The following PRR5 variants were observed in gnomAD, a reference collection of about 807,000 sequenced individuals.
The protein encoded by PRR5 is proline rich 5, also known as proline-rich protein 5.
A neutral mutation model predicts 30.6 loss-of-function variants in PRR5; 25 were observed. The observed-to-expected ratio is 0.82, with a 90% CI of 0.60 to 1.14. PRR5 has a LOEUF of 1.14. Among genes scored for constraint, PRR5 ranks in the 50% most tolerant of loss-of-function variants. The probability of loss-of-function intolerance (pLI) is 0.00; values close to 1 mark genes in which losing one functional copy is unlikely to be tolerated. For missense variants in PRR5, 600 were observed against 547.1 expected, an observed-to-expected ratio of 1.10 and a Z score of -0.96; for synonymous variants, 286 against 247.1, an observed-to-expected ratio of 1.16 and a Z score of -1.48.
chr22:44,692,802 G>A (rs1925400536), intron 1 of PRR5, among the ~76,000 whole-genome samples: 1 of 152,238 alleles, frequency 6.6e-6, no homozygotes, highest in Non-Finnish European at 1.5e-5. Context: ...GCAGAGCGGG[G>A]ATGTTCCCCG....
At position 44,732,289 on chromosome 22, in the gene PRR5, C is replaced by T. The variant is rs1922158237; in HGVS notation, c.453C>T (p.His151=). 1 of 1,612,296 alleles carries T rather than the reference C, an allele frequency of 6.2e-7. No homozygotes were observed. The highest frequency in any genetic ancestry group is 2.2e-5 in the East Asian group (1 of 44,866). Residue 151 remains histidine, a synonymous_variant, in exon 6 of 8, where the codon CAC becomes CAT. Transcript: ENST00000336985. ...CGGTGCGCCAGCTGGCCCTGCTGCA[C>T]TTCCGGAATGCCATCACCCTCAGTG... ...EPSVRQLALL[H]FRNAITLSVK...
intron 1 of PRR5, among the ~76,000 whole-genome samples, chr22:44,710,065 G>A (rs940974426): frequency 1.3e-5 from 2 of 152,148 alleles, no homozygotes. Context: ...GAGGTGGAGG[G>A]TGGAGGTGGG....
At chr22:44,702,145 C>CCGCCCCGCCCCCCGGGGCGCCG (rs1328012719), upstream of PRR5, 3 of 365,588 alleles carry the variant, frequency 8.2e-6, no homozygotes, top group East Asian at 2.7e-4. Context: ...GCCCCCTTCC[C>CCGCCCCGCCCCCCGGGGCGCCG]CGCCCCGCCC....
intron 7 of PRR5, among the ~76,000 whole-genome samples, chr22:44,736,556 CTG>C (rs1342110532): frequency 6.6e-6 from 1 of 152,220 alleles, no homozygotes; most frequent in Non-Finnish European, 1.5e-5. Flanking sequence ...ACTTGAGGTC[CTG>C]TGTGACCAGG....
chr22:44,678,282 AT>A (rs370441019), intron 1 of PRR5, among the ~76,000 whole-genome samples: 5,196 of 132,140 alleles, frequency 0.039, 321 homozygotes, highest in African/African-American at 0.14. Flanking sequence ...GCCTAGTCTG[AT>A]TTTTTTTTGT....
chr22:44,704,242 C>T (rs1926831878), intron 1 of PRR5, among the ~76,000 whole-genome samples: 1 of 152,210 alleles, frequency 6.6e-6, no homozygotes. Context: ...ATTTGGAGGG[C>T]TCCACAGGAA....
intron 2 of PRR5, among the ~76,000 whole-genome samples, chr22:44,718,355 T>A (rs1015677970): frequency 3.3e-5 from 5 of 151,864 alleles, no homozygotes; most frequent in Admixed American, 1.3e-4. Flanking sequence ...TGACCACGCC[T>A]GGCTAATTTT....
intron 4 of PRR5, among the ~76,000 whole-genome samples, chr22:44,727,396 G>A (rs1015233166): frequency 3.9e-5 from 6 of 152,192 alleles, no homozygotes; most frequent in African/African-American, 4.8e-5. Flanking sequence ...GGCTGTGCTG[G>A]GATCGGGCCT....
chr22:44,715,576 C>T (rs964319125), intron 2 of PRR5, among the ~76,000 whole-genome samples: 1 of 152,002 alleles, frequency 6.6e-6, no homozygotes, highest in African/African-American at 2.4e-5. Context: ...GGGTGGGGCT[C>T]TGGGAGCTCA....
At chr22:44,677,670 A>G (rs1923886355) in intron 1 of PRR5, among the ~76,000 whole-genome samples, 1 of 152,018 alleles carries the variant, frequency 6.6e-6, no homozygotes, top group South Asian at 2.1e-4. Flanking sequence ...TGTCAGATGG[A>G]CCTTCCCTAG....
intron 1 of PRR5, among the ~76,000 whole-genome samples, chr22:44,682,721 T>C (rs9626521): frequency 0.09 from 13,663 of 152,192 alleles, 770 homozygotes; most frequent in East Asian, 0.27. Context: ...GAGACAATCA[T>C]GGTACCTGGC....
At chr22:44,706,846 G>A (rs898342882) in intron 1 of PRR5, among the ~76,000 whole-genome samples, 1 of 91,396 alleles carries the variant, frequency 1.1e-5, no homozygotes, top group African/African-American at 3.4e-5. Context: ...GTTTGTAAGG[G>A]AGCTATGGAT....
At chr22:44,677,721 T>C (rs770781926) in intron 1 of PRR5, among the ~76,000 whole-genome samples, 7 of 152,204 alleles carry the variant, frequency 4.6e-5, no homozygotes, top group Non-Finnish European at 1.0e-4. Context: ...AGGGGTGGGC[T>C]CAGTGCCTGG....
intron 1 of PRR5, among the ~76,000 whole-genome samples, chr22:44,689,483 G>A (rs1039371045): frequency 6.6e-6 from 1 of 152,232 alleles, no homozygotes; most frequent in Non-Finnish European, 1.5e-5. Flanking sequence ...CCCGAAGAGG[G>A]TAAACAAAGG....
intron 2 of PRR5, among the ~76,000 whole-genome samples, chr22:44,718,180 G>A (rs867185923): frequency 4.3e-5 from 6 of 139,048 alleles, no homozygotes; most frequent in African/African-American, 1.1e-4. Flanking sequence ...GTGGATGCAC[G>A]TTTTCATCTC....
At position 44,737,478 on chromosome 22, in the gene PRR5, G is replaced by C. The variant is rs1033258392; in HGVS notation, c.*231G>C. The C allele has an allele frequency of 1.6e-5, 14 of 890,984 alleles. No homozygotes were observed. Among genetic ancestry groups the C allele is most frequent in the Non-Finnish European group, 1.9e-5 (12 of 629,408 alleles). 55.2% of individuals were successfully genotyped at this position (890,984 alleles called of 1,614,324 possible). On this transcript the variant is annotated 3_prime_UTR_variant, in exon 8 of 8. Transcript: ENST00000336985. ...CTGAGTCGGCGTTTACCCAGGGGCC[G>C]GGCCAGAGACGGGGGTCGGCCGCTC... is the stretch of plus-strand genomic sequence containing the variant.
intron 7 of PRR5, among the ~76,000 whole-genome samples, chr22:44,735,575 G>A (rs1451296583): frequency 6.6e-6 from 1 of 152,210 alleles, no homozygotes; most frequent in Non-Finnish European, 1.5e-5. Context: ...CAGCATCCCG[G>A]GACTGCTTGG....
chr22:44,681,489 G>A (rs1003778149), intron 1 of PRR5, among the ~76,000 whole-genome samples: 1 of 152,132 alleles, frequency 6.6e-6, no homozygotes, highest in South Asian at 2.1e-4. Context: ...TCAGGAAGCT[G>A]AGGCGGGAGA....
rs184834435 is a variant in PRR5, at chr22:44,708,059, C to T, written c.134+5451C>T. ...CTACAAATGGGGAAACCTGGCCAGGCGTGGTGGCTCATGCCTGTAATCCCA... is the reference window on the plus strand; with the variant it reads ...CTACAAATGGGGAAACCTGGCCAGGTGTGGTGGCTCATGCCTGTAATCCCA... On this transcript the variant is annotated intron_variant, in intron 1 of 7. Coordinates refer to ENST00000336985, the MANE Select transcript of PRR5 (RefSeq NM_181333.4). Among the ~76,000 whole-genome samples the T allele has an allele frequency of 6.0e-4, 91 of 152,182 alleles. 1 individual carries two copies. The highest frequency in any genetic ancestry group is 4.8e-3 in the South Asian group (23 of 4,822).
Sources: gnomAD v4.1 joint callset for allele counts (sites outside exome capture counted in the v4.1 genomes callset) on GRCh38, gnomAD v4.1.1 for gene constraint, MANE v1.5 for transcripts, NCBI Gene and HGNC (gene_info 2026-07-23, HGNC 2026-07-21) for gene names.